B4GALNT2: variants seen among roughly 807,000 people sequenced by gnomAD.
B4GALNT2 encodes beta-1,4-N-acetyl-galactosaminyltransferase 2 (SID blood group).
In B4GALNT2, 42 loss-of-function variants were observed where a neutral mutation model predicts 51.1. The observed-to-expected ratio is 0.82, with a 90% confidence interval of 0.64 to 1.06. The LOEUF (loss-of-function observed/expected upper bound fraction) is 1.06, where lower values mean the gene tolerates loss of function less well. B4GALNT2 is among the 50% of genes least tolerant of loss of function. The pLI, the probability that B4GALNT2 is intolerant of heterozygous loss-of-function variation, is 0.00. For synonymous variants in B4GALNT2, 253 were observed against 251.7 expected (o/e 1.01, Z -0.05); for missense variants, 602 against 633.6 (o/e 0.95, Z 0.54).
intron 3 of B4GALNT2, among the ~76,000 whole-genome samples, chr17:49,147,819 T>C (rs2144296924): frequency 6.6e-6 from 1 of 151,714 alleles, no homozygotes; most frequent in African/African-American, 2.4e-5. Context: ...TATTTTTAAA[T>C]ACTGTTATAT....
intron 10 of B4GALNT2, 101 bp from the exon 11 acceptor site, chr17:49,169,422 A>G: frequency 8.8e-7 from 1 of 1,131,518 alleles, no homozygotes; most frequent in South Asian, 1.3e-5. Flanking sequence ...CCAGTGTATG[A>G]ACTGTGTCCT....
chr17:49,163,027 A>T (rs2042878884), intron 7 of B4GALNT2, among the ~76,000 whole-genome samples: 1 of 150,938 alleles, frequency 6.6e-6, no homozygotes. Flanking sequence ...GGCTCTGTGC[A>T]CTCACCCACA....
At chr17:49,143,897 C>T (rs758048744) in intron 3 of B4GALNT2, among the ~76,000 whole-genome samples, 1 of 152,158 alleles carries the variant, frequency 6.6e-6, no homozygotes, top group African/African-American at 2.4e-5. Flanking sequence ...CCTGTAATTT[C>T]AGCACTTTGG....
At chr17:49,121,638 A>G in the B4GALNT2 span, among the ~76,000 whole-genome samples, 1 of 152,198 alleles carries the variant, frequency 6.6e-6, no homozygotes, top group Non-Finnish European at 1.5e-5. Flanking sequence ...AGAATTTGCC[A>G]ATTTGTCAAA....
the B4GALNT2 span, among the ~76,000 whole-genome samples, chr17:49,120,911 G>A: frequency 1.3e-5 from 2 of 152,040 alleles, no homozygotes; most frequent in African/African-American, 2.4e-5. Context: ...CCTTCCCCAC[G>A]ATTGAGGACC....
At position 49,159,127 on chromosome 17, in the gene B4GALNT2, A is replaced by T. The variant is rs2042838453; in HGVS notation, c.589A>T (p.Ile197Phe). The change falls in exon 6 of 11, where the codon ATT (isoleucine) becomes TTT (phenylalanine). Residue 197 changes from isoleucine (I) to phenylalanine (F), a missense_variant. By Grantham distance (21) the Ile-to-Phe change is conservative. Coordinates refer to ENST00000393354, the MANE Select transcript of B4GALNT2 (RefSeq NM_001159387.2). ...VQGRGQKQLI[I>F]STSDRKLLKF... ...GGGCAGAGGCCAGAAGCAGCTGATCATTTCTACCAGTGACCGGAAGCTGTT... is the reference window on the plus strand; with the variant it reads ...GGGCAGAGGCCAGAAGCAGCTGATCTTTTCTACCAGTGACCGGAAGCTGTT... 1 of 1,614,088 alleles carries T rather than the reference A, an allele frequency of 6.2e-7. No individual in the cohort carries two copies. The highest frequency in any genetic ancestry group is 1.7e-5 in the Admixed American group (1 of 60,004).
intron 2 of B4GALNT2, 121 bp downstream of exon 2, chr17:49,141,568 T>A: frequency 9.2e-7 from 1 of 1,086,762 alleles, no homozygotes; most frequent in East Asian, 2.5e-5. Flanking sequence ...AAGCCTGTGC[T>A]GAATGCACAA....
At chr17:49,121,954 TCTGGC>T in the B4GALNT2 span, among the ~76,000 whole-genome samples, 1 of 152,240 alleles carries the variant, frequency 6.6e-6, no homozygotes, top group Non-Finnish European at 1.5e-5. Context: ...GAGAGGGGCT[TCTGGC>T]CAATTTCTGT....
chr17:49,159,855 T>G (rs1298338175), intron 6 of B4GALNT2, among the ~76,000 whole-genome samples: 3 of 152,124 alleles, frequency 2.0e-5, no homozygotes, highest in Non-Finnish European at 4.4e-5. Flanking sequence ...AGATTTCCAC[T>G]GCAGTAGAGG....
In B4GALNT2 at chr17:49,162,674, C is replaced by T. The variant is rs144670183; in HGVS notation, c.767-1414C>T. Among the ~76,000 whole-genome samples, 71 of 151,954 alleles carry T rather than the reference C, an allele frequency of 4.7e-4. No homozygotes were observed. In the East Asian group the frequency reaches 9.7e-3, roughly 21 times the overall value. On this transcript the variant is annotated intron_variant, in intron 7 of 10. Transcript: ENST00000393354. ...CTGTAATCCCAGCACTTTGGGAGGCCGAGGTGAGCAGATCACTTGAGGTCA... is the reference window on the plus strand; with the variant it reads ...CTGTAATCCCAGCACTTTGGGAGGCTGAGGTGAGCAGATCACTTGAGGTCA...
chr17:49,132,817 C>T lies in B4GALNT2; in HGVS notation c.14+11C>T, dbSNP rs2042551370. 2 of 1,377,218 alleles carry T rather than the reference C, an allele frequency of 1.5e-6. No homozygotes were observed. Among genetic ancestry groups the T allele is most frequent in the African/African-American group, 1.5e-5 (1 of 65,424 alleles). The allele number at this position is 1,377,218 out of a possible 1,614,324, so 85.3% of individuals were successfully genotyped here. On this transcript the variant is annotated intron_variant, in intron 1 of 10. Coordinates refer to ENST00000393354, the MANE Select transcript of B4GALNT2 (RefSeq NM_001159387.2). Reference sequence around the variant, plus strand: ...GATGACTTCGGGCGGGTGAGTGTCCCCGGGGCAGAGCAGAGCGAGAGGTGA... The same window carrying T: ...GATGACTTCGGGCGGGTGAGTGTCCTCGGGGCAGAGCAGAGCGAGAGGTGA...
chr17:49,153,154 C>G (rs1380320810), intron 4 of B4GALNT2, among the ~76,000 whole-genome samples: 1 of 151,742 alleles, frequency 6.6e-6, no homozygotes, highest in African/African-American at 2.4e-5. Flanking sequence ...CTCACGCCTG[C>G]CTATAATCCC....
chr17:49,166,169 T>C lies in B4GALNT2; in HGVS notation c.1010T>C (p.Leu337Pro), dbSNP rs2042909332. The C allele has an allele frequency of 6.2e-7, 1 of 1,614,150 alleles. No individual in the cohort carries two copies. Among genetic ancestry groups the C allele is most frequent in the East Asian group, 2.2e-5 (1 of 44,890 alleles). Residue 337 changes from leucine (L) to proline (P), a missense_variant, in exon 9 of 11, where the codon CTC becomes CCC. Coordinates refer to ENST00000393354, the MANE Select transcript of B4GALNT2 (RefSeq NM_001159387.2). ...TCTCAGGTCACCACCAAATACGTTC[T>C]CTGGGTGGACGATGATTTTCTCTTC... is the stretch of plus-strand genomic sequence containing the variant. The part of the protein sequence containing the change: ...AISQVTTKYV[L>P]WVDDDFLFNE...
intron 9 of B4GALNT2, among the ~76,000 whole-genome samples, chr17:49,166,773 C>A (rs1174082719): frequency 6.6e-6 from 1 of 151,906 alleles, no homozygotes; most frequent in Non-Finnish European, 1.5e-5. Context: ...TCAAGACCAG[C>A]CTGGGCAACA....
intron 3 of B4GALNT2, among the ~76,000 whole-genome samples, chr17:49,151,719 C>A (rs2042756509): frequency 6.6e-6 from 1 of 150,450 alleles, no homozygotes. Context: ...GAACTCCAGC[C>A]TGGCAACCTA....
At chr17:49,156,806 C>A (rs975256261) in intron 5 of B4GALNT2, among the ~76,000 whole-genome samples, 6 of 152,166 alleles carry the variant, frequency 3.9e-5, no homozygotes, top group African/African-American at 1.4e-4. Context: ...CTTCCCAGAC[C>A]ACACTGAAGA....
At chr17:49,121,326 C>T in the B4GALNT2 span, among the ~76,000 whole-genome samples, 5 of 152,168 alleles carry the variant, frequency 3.3e-5, no homozygotes, top group African/African-American at 1.2e-4. Context: ...TTTCTTCTTA[C>T]CTGAGCACTC....
Position 49,142,085 on chromosome 17 carries a change from G to A in B4GALNT2, c.266G>A (p.Gly89Asp). 1.2e-6 allele frequency: 2 copies of A among 1,614,152 alleles called. No individual in the cohort carries two copies. The highest frequency in any genetic ancestry group is 1.7e-6 in the Non-Finnish European group (2 of 1,180,030). The change falls in exon 3 of 11, where the codon GGT becomes GAT. Residue 89 changes from glycine to aspartate, a missense_variant. By Grantham distance (94) the Gly-to-Asp change is moderately conservative (BLOSUM62 -1). Coordinates refer to ENST00000393354, the MANE Select transcript of B4GALNT2 (RefSeq NM_001159387.2). ...CKCEANKEQG[G>D]YNFQDAYGQS... ...TGTGAAGCCAACAAAGAGCAGGGAG[G>A]TTACAACTTTCAGGATGCCTATGGC...
intron 3 of B4GALNT2, among the ~76,000 whole-genome samples, chr17:49,151,893 C>T (rs2042760068): frequency 6.6e-6 from 1 of 152,100 alleles, no homozygotes; most frequent in African/African-American, 2.4e-5. Context: ...GGAGAAGTTC[C>T]ACCTCCCTTC....
Sources: allele counts gnomAD v4.1 joint callset (sites outside exome capture counted in the v4.1 genomes callset), GRCh38; gene constraint gnomAD v4.1.1; transcripts MANE v1.5; gene names NCBI Gene and HGNC (gene_info 2026-07-23, HGNC 2026-07-21).